RBFOX1: variants seen among roughly 807,000 people sequenced by gnomAD.
The protein encoded by RBFOX1 is RNA binding protein fox-1 homolog 1.
RBFOX1 carries 8 observed loss-of-function variants against 57.7 expected under a neutral mutation model. That is an observed-to-expected ratio of 0.14 (90% confidence interval 0.08 to 0.25). RBFOX1 has a LOEUF of 0.25. Among genes scored for constraint, RBFOX1 ranks in the 10% least tolerant of loss-of-function variants. RBFOX1 has a pLI of 1.00. For synonymous variants in RBFOX1, 326 were observed against 222.4 expected, an observed-to-expected ratio of 1.47 and a Z score of -4.15; for missense variants, 611 against 548.5, an observed-to-expected ratio of 1.11 and a Z score of -1.14.
chr16:6,662,422 C>G (rs2098707423), intron 3 of RBFOX1, among the ~76,000 whole-genome samples: 2 of 151,128 alleles, frequency 1.3e-5, no homozygotes, highest in South Asian at 4.2e-4. Flanking sequence ...AGTTTTATCT[C>G]AATACAGTTA....
At chr16:5,434,998 C>G (rs1266898767) in intron 1 of RBFOX1, among the ~76,000 whole-genome samples, 1 of 152,202 alleles carries the variant, frequency 6.6e-6, no homozygotes, top group Non-Finnish European at 1.5e-5. Context: ...TTCCCATTTT[C>G]TCCTGTGACT....
intron 2 of RBFOX1, among the ~76,000 whole-genome samples, chr16:5,548,845 G>C (rs1018258205): frequency 4.6e-5 from 7 of 152,170 alleles, no homozygotes; most frequent in African/African-American, 1.7e-4. Flanking sequence ...CATGGATGAA[G>C]TGAGAGAAGG....
intron 13 of RBFOX1, among the ~76,000 whole-genome samples, chr16:7,668,437 C>T (rs1050650933): frequency 6.6e-5 from 10 of 152,032 alleles, no homozygotes; most frequent in Non-Finnish European, 1.2e-4. Context: ...GAGCCAGACA[C>T]GAAGGGAAAA....
chr16:6,691,594 C>T (rs2060218553), intron 3 of RBFOX1, among the ~76,000 whole-genome samples: 1 of 152,122 alleles, frequency 6.6e-6, no homozygotes, highest in South Asian at 2.1e-4. Flanking sequence ...ACATCAATCC[C>T]AGGAAGAAAG....
At chr16:7,269,257 A>C (rs1380989085) in intron 4 of RBFOX1, among the ~76,000 whole-genome samples, 1 of 152,094 alleles carries the variant, frequency 6.6e-6, no homozygotes, top group Non-Finnish European at 1.5e-5. Context: ...AGACATAGAC[A>C]CATACACACA....
intron 3 of RBFOX1, among the ~76,000 whole-genome samples, chr16:6,828,729 C>G (rs1239810256): frequency 6.6e-6 from 1 of 151,922 alleles, no homozygotes; most frequent in African/African-American, 2.4e-5. Context: ...AGTGACTTAC[C>G]ATGTTAATGA....
intron 2 of RBFOX1, among the ~76,000 whole-genome samples, chr16:6,441,618 A>C (rs1015991128): frequency 6.6e-6 from 1 of 152,028 alleles, no homozygotes; most frequent in African/African-American, 2.4e-5. Flanking sequence ...GGGTTTCGCC[A>C]TGTCATCTAG....
At chr16:5,515,676 A>T (rs377482452) in intron 2 of RBFOX1, among the ~76,000 whole-genome samples, 4 of 152,330 alleles carry the variant, frequency 2.6e-5, no homozygotes, top group Non-Finnish European at 4.4e-5. Context: ...GGTTATTCTC[A>T]TTAAAAACCA....
At chr16:7,025,805 T>C (rs953219929) in intron 3 of RBFOX1, among the ~76,000 whole-genome samples, 24 of 151,970 alleles carry the variant, frequency 1.6e-4, no homozygotes, top group Non-Finnish European at 3.5e-4. Context: ...GCTGCAGGGA[T>C]TCAAACTGGA....
At chr16:6,745,280 A>C (rs909313793) in intron 3 of RBFOX1, among the ~76,000 whole-genome samples, 1 of 152,120 alleles carries the variant, frequency 6.6e-6, no homozygotes, top group African/African-American at 2.4e-5. Context: ...AGGAAGTTAC[A>C]TTTCCCAATC....
intron 4 of RBFOX1, among the ~76,000 whole-genome samples, chr16:7,157,110 T>A (rs2077309133): frequency 6.6e-6 from 1 of 152,168 alleles, no homozygotes; most frequent in Non-Finnish European, 1.5e-5. Flanking sequence ...TGCTATTGAG[T>A]GTGGGAGAAA....
chr16:7,403,970 T>G (rs1482895688), intron 4 of RBFOX1, among the ~76,000 whole-genome samples: 3 of 150,830 alleles, frequency 2.0e-5, no homozygotes, highest in African/African-American at 7.3e-5. Context: ...CTTAAGTTGT[T>G]TTTATTATTG....
intron 3 of RBFOX1, among the ~76,000 whole-genome samples, chr16:6,884,856 C>A (rs908194629): frequency 3.3e-5 from 5 of 152,176 alleles, no homozygotes; most frequent in Admixed American, 2.6e-4. Context: ...CCAGAGTGCT[C>A]CACTGCACTC....
At chr16:7,405,321 G>A (rs1303244752) in intron 4 of RBFOX1, among the ~76,000 whole-genome samples, 1 of 152,198 alleles carries the variant, frequency 6.6e-6, no homozygotes, top group African/African-American at 2.4e-5. Flanking sequence ...AACCTTTGCC[G>A]CTGGAAAGCC....
At chr16:6,535,648 C>G (rs2096724936) in intron 2 of RBFOX1, among the ~76,000 whole-genome samples, 1 of 152,164 alleles carries the variant, frequency 6.6e-6, no homozygotes. Context: ...AACCGTTGCT[C>G]CAGGCTTCTT....
intron 3 of RBFOX1, among the ~76,000 whole-genome samples, chr16:6,813,696 C>T (rs1037703629): frequency 6.6e-6 from 1 of 152,174 alleles, no homozygotes; most frequent in Non-Finnish European, 1.5e-5. Context: ...AAGTCCCATA[C>T]TCTCTCACCC....
chr16:5,372,270 C>T (rs745828133), intron 1 of RBFOX1, among the ~76,000 whole-genome samples: 3 of 152,176 alleles, frequency 2.0e-5, no homozygotes, highest in African/African-American at 4.8e-5. Flanking sequence ...AGAACCTGAT[C>T]TCAGTCTTGG....
intron 4 of RBFOX1, among the ~76,000 whole-genome samples, chr16:7,375,965 C>T (rs768805711): frequency 6.6e-6 from 1 of 152,174 alleles, no homozygotes; most frequent in African/African-American, 2.4e-5. Context: ...GAACTAGAGC[C>T]ATTGGTAGGC....
intron 4 of RBFOX1, among the ~76,000 whole-genome samples, chr16:7,265,443 ATTTG>A (rs1023007770): frequency 4.0e-5 from 6 of 149,812 alleles, no homozygotes; most frequent in Admixed American, 3.3e-4. Context: ...TCATTTATTT[ATTTG>A]TTTATTTATT....
Sources: allele counts gnomAD v4.1 joint callset (sites outside exome capture counted in the v4.1 genomes callset), GRCh38; gene constraint gnomAD v4.1.1; transcripts MANE v1.5; gene names NCBI Gene and HGNC (gene_info 2026-07-23, HGNC 2026-07-21).